The following CNTN5 variants were observed in gnomAD, a reference collection of about 807,000 sequenced individuals.
The protein encoded by CNTN5 is contactin-5.
CNTN5 carries 77 observed loss-of-function variants against 129.1 expected under a neutral mutation model. The ratio of observed to expected loss-of-function variants is 0.60; its 90% CI spans 0.50 to 0.72. The LOEUF (loss-of-function observed/expected upper bound fraction) is 0.72. Among genes scored for constraint, CNTN5 ranks in the 30% least tolerant of loss-of-function variants. The pLI is 0.00. For synonymous variants in CNTN5, 509 were observed against 465.6 expected, an observed-to-expected ratio of 1.09 and a Z score of -1.20; for missense variants, 1,478 against 1,328.8, an observed-to-expected ratio of 1.11 and a Z score of -1.75.
At chr11:100,212,295 C>T (rs1250217493) in intron 15 of CNTN5, among the ~76,000 whole-genome samples, 1 of 152,064 alleles carries the variant, frequency 6.6e-6, no homozygotes, top group Non-Finnish European at 1.5e-5. Context: ...GACTATACTT[C>T]AATGTATTTA....
In CNTN5 at chr11:99,144,047, C is replaced by T. The variant is rs182427860; in HGVS notation, c.-210+122777C>T. ...AAATTATGAAATCATAATGAATATACATTTTATACAGCTTTATGTAACACT... is the reference window on the plus strand; with the variant it reads ...AAATTATGAAATCATAATGAATATATATTTTATACAGCTTTATGTAACACT... On this transcript the variant is annotated intron_variant, in intron 1 of 24. Transcript: ENST00000524871. 3.9e-4 allele frequency among the ~76,000 whole-genome samples: 60 copies of T among 152,146 alleles called. No individual in the cohort carries two copies. In the East Asian group the frequency reaches 5.4e-3, roughly 14 times the overall value.
At chr11:99,473,456 G>A (rs1945251597) in intron 2 of CNTN5, among the ~76,000 whole-genome samples, 1 of 151,908 alleles carries the variant, frequency 6.6e-6, no homozygotes, top group Non-Finnish European at 1.5e-5. Context: ...TGCAAATTTT[G>A]GCTTTCTCAT....
At chr11:99,179,270 C>T (rs1006256115) in intron 1 of CNTN5, among the ~76,000 whole-genome samples, 4 of 151,880 alleles carry the variant, frequency 2.6e-5, no homozygotes, top group Non-Finnish European at 2.9e-5. Context: ...GGTGAAACCC[C>T]ATCTCTACTA....
At chr11:99,173,725 A>C (rs1857637805) in intron 1 of CNTN5, among the ~76,000 whole-genome samples, 1 of 152,222 alleles carries the variant, frequency 6.6e-6, no homozygotes, top group Admixed American at 6.5e-5. Context: ...TGACTGTTTT[A>C]GACTCAACAA....
chr11:99,269,202 T>G (rs537341551), intron 1 of CNTN5, among the ~76,000 whole-genome samples: 17 of 152,058 alleles, frequency 1.1e-4, no homozygotes, highest in South Asian at 2.1e-4. Flanking sequence ...TAAGTGCCCT[T>G]TGTTAAATCC....
chr11:99,321,185 A>T (rs2135996709), intron 1 of CNTN5, among the ~76,000 whole-genome samples: 1 of 147,542 alleles, frequency 6.8e-6, no homozygotes, highest in East Asian at 2.0e-4. Context: ...ATAATCACAT[A>T]AACTAATTCC....
intron 23 of CNTN5, among the ~76,000 whole-genome samples, chr11:100,345,011 A>G (rs17094873): frequency 1.3e-5 from 2 of 152,178 alleles, no homozygotes; most frequent in Non-Finnish European, 2.9e-5. Flanking sequence ...AAAGTAAACT[A>G]TAGAAATAGC....
chr11:100,081,673 G>A (rs192697644), intron 13 of CNTN5, among the ~76,000 whole-genome samples: 1 of 152,230 alleles, frequency 6.6e-6, no homozygotes, highest in Admixed American at 6.5e-5. Flanking sequence ...TGAAATTCAT[G>A]GATTCTGGAA....
chr11:99,919,774 G>C (rs1037897454), intron 7 of CNTN5, among the ~76,000 whole-genome samples: 6 of 150,568 alleles, frequency 4.0e-5, no homozygotes, highest in African/African-American at 1.5e-4. Context: ...TATGCTTTCT[G>C]TCTCTATAGT....
chr11:99,588,271 G>A lies in CNTN5; in HGVS notation c.55+32002G>A, dbSNP rs1459975582. On this transcript the variant is annotated intron_variant, in intron 3 of 24. Coordinates refer to ENST00000524871, the MANE Select transcript of CNTN5 (RefSeq NM_014361.4). ...AGGCAGGAGAATGGCGTGAACCCAG[G>A]AGGCAGAGCTTGCCGTGAGCCAAGA... Among the ~76,000 whole-genome samples, 6 of 145,556 alleles carry A rather than the reference G, an allele frequency of 4.1e-5. No homozygotes were observed. The South Asian group carries it at 1.2e-3, about 28-fold the overall frequency.
intron 2 of CNTN5, among the ~76,000 whole-genome samples, chr11:99,370,597 T>G (rs1232775074): frequency 6.6e-6 from 1 of 152,196 alleles, no homozygotes; most frequent in Non-Finnish European, 1.5e-5. Flanking sequence ...TTTGTTTAAA[T>G]GTAATCACAT....
intron 3 of CNTN5, among the ~76,000 whole-genome samples, chr11:99,689,399 C>T (rs377657430): frequency 6.6e-5 from 10 of 151,768 alleles, no homozygotes; most frequent in East Asian, 2.0e-4. Context: ...TGGTGGTGGG[C>T]GCCTGTAGTC....
At chr11:99,395,659 GT>G (rs1237083430) in intron 2 of CNTN5, among the ~76,000 whole-genome samples, 2 of 151,692 alleles carry the variant, frequency 1.3e-5, no homozygotes, top group Admixed American at 1.3e-4. Flanking sequence ...GTCTTCCAGG[GT>G]TTTTATAGCT....
chr11:99,985,916 C>T (rs1402365446), intron 8 of CNTN5, among the ~76,000 whole-genome samples: 5 of 152,134 alleles, frequency 3.3e-5, no homozygotes, highest in African/African-American at 1.2e-4. Context: ...ACTTGTACTC[C>T]ATCCCATCTT....
At chr11:99,670,610 T>C (rs935524646) in intron 3 of CNTN5, among the ~76,000 whole-genome samples, 14 of 152,192 alleles carry the variant, frequency 9.2e-5, no homozygotes, top group African/African-American at 3.4e-4. Context: ...TGCCTAACTC[T>C]ACAGTCCCAG....
chr11:99,900,933 G>T (rs1030560095), intron 6 of CNTN5, among the ~76,000 whole-genome samples: 16 of 151,842 alleles, frequency 1.1e-4, no homozygotes, highest in African/African-American at 3.9e-4. Flanking sequence ...TATCTTTATG[G>T]TCAAAAGATC....
chr11:99,827,553 G>C (rs1464929595), intron 4 of CNTN5, among the ~76,000 whole-genome samples: 1 of 152,214 alleles, frequency 6.6e-6, no homozygotes, highest in Non-Finnish European at 1.5e-5. Flanking sequence ...TAAATTGTTA[G>C]AGTAAATTCC....
intron 13 of CNTN5, among the ~76,000 whole-genome samples, chr11:100,149,410 T>G (rs1591317237): frequency 6.6e-6 from 1 of 152,220 alleles, no homozygotes; most frequent in African/African-American, 2.4e-5. Flanking sequence ...TATAGCTCTT[T>G]GTGATCCATT....
At chr11:99,766,448 A>G (rs1350632000) in intron 3 of CNTN5, among the ~76,000 whole-genome samples, 1 of 152,076 alleles carries the variant, frequency 6.6e-6, no homozygotes, top group African/African-American at 2.4e-5. Context: ...CAACAGTGCT[A>G]TAGGCTTGGG....
Sources: allele counts gnomAD v4.1 joint callset (sites outside exome capture counted in the v4.1 genomes callset), GRCh38; gene constraint gnomAD v4.1.1; transcripts MANE v1.5; gene names NCBI Gene and HGNC (gene_info 2026-07-23, HGNC 2026-07-21).